C20orf203: variants seen among roughly 807,000 people sequenced by gnomAD.
C20orf203 encodes the protein uncharacterized protein C20orf203.
C20orf203 carries 16 observed loss-of-function variants against 15.9 expected under a neutral mutation model. The ratio of observed to expected loss-of-function variants is 1.01; its 90% CI spans 0.68 to 1.53. C20orf203 has a LOEUF of 1.53. Ranked by LOEUF, C20orf203 falls within the 40% of genes most tolerant of loss-of-function variation. The pLI, the probability that C20orf203 is intolerant of heterozygous loss-of-function variation, is 0.00. For synonymous variants in C20orf203, 98 were observed against 97.2 expected, an observed-to-expected ratio of 1.01 and a Z score of -0.05; for missense variants, 263 against 247.5, an observed-to-expected ratio of 1.06 and a Z score of -0.42.
chr20:32,665,875 G>T (rs779645203), intron 1 of C20orf203, among the ~76,000 whole-genome samples: 4 of 152,122 alleles, frequency 2.6e-5, no homozygotes, highest in African/African-American at 4.8e-5. Context: ...GGCAGAGCTT[G>T]CAGTGAGCCC....
At chr20:32,659,116 A>G (rs543012529) in intron 1 of C20orf203, among the ~76,000 whole-genome samples, 2 of 152,180 alleles carry the variant, frequency 1.3e-5, no homozygotes, top group Non-Finnish European at 2.9e-5. Flanking sequence ...AACTCAAGTG[A>G]TCCACCTGCC....
chr20:32,650,302 G>T lies in C20orf203; in HGVS notation c.*130C>A. 1.5e-6 allele frequency: 1 copy of T among 677,704 alleles called. No individual in the cohort carries two copies. 42.0% of individuals were successfully genotyped at this position (677,704 alleles called of 1,614,324 possible). On this transcript the variant is annotated 3_prime_UTR_variant, in exon 4 of 6. Coordinates refer to ENST00000608990, the MANE Select transcript of C20orf203 (RefSeq NM_182584.4). ...AATCTCCTTGAGGTTTCAGCTGGGC[G>T]TGCCGGGCCCATCCCCCACTCTGGG... is the stretch of plus-strand genomic sequence containing the variant.
rs1232700778 is a variant in C20orf203, at chr20:32,633,925, C to T, written c.*1645G>A. The T allele has an allele frequency of 1.3e-5, 5 of 398,028 alleles. No individual in the cohort carries two copies. Among genetic ancestry groups the T allele is most frequent in the Non-Finnish European group, 2.2e-5 (5 of 226,104 alleles). The allele number at this position is 398,028 out of a possible 1,614,324, so 24.7% of individuals were successfully genotyped here. A position where few individuals can be genotyped will look rare whatever the true frequency, so the allele number is the denominator to read the frequency against. ...CGTCCGCCTGGACTGGATGCTTCTC[C>T]CGGATCCTGATGCCTGAGCTTCAGC... is the stretch of plus-strand genomic sequence containing the variant. On this transcript the variant is annotated 3_prime_UTR_variant, in exon 6 of 6. Coordinates refer to ENST00000608990, the MANE Select transcript of C20orf203 (RefSeq NM_182584.4).
chr20:32,647,019 T>C (rs1982451512), intron 4 of C20orf203, among the ~76,000 whole-genome samples: 1 of 152,204 alleles, frequency 6.6e-6, no homozygotes, highest in Non-Finnish European at 1.5e-5. Flanking sequence ...CACATGACAC[T>C]TGATGTGAGT....
chr20:32,655,436 G>C (rs1982731702), intron 1 of C20orf203, among the ~76,000 whole-genome samples: 1 of 152,002 alleles, frequency 6.6e-6, no homozygotes, highest in Non-Finnish European at 1.5e-5. Context: ...TCTGATAACA[G>C]ATTCTAACCA....
intron 1 of C20orf203, among the ~76,000 whole-genome samples, chr20:32,669,115 T>C (rs1435342609): frequency 1.3e-5 from 2 of 152,122 alleles, no homozygotes; most frequent in East Asian, 1.9e-4. Flanking sequence ...ACAGTACTGG[T>C]TGAAGAACCA....
intron 1 of C20orf203, among the ~76,000 whole-genome samples, chr20:32,671,523 T>G (rs970130638): frequency 6.6e-6 from 1 of 151,534 alleles, no homozygotes; most frequent in African/African-American, 2.4e-5. Flanking sequence ...ACAAAAAAAT[T>G]TTAAGTAGAA....
At chr20:32,656,597 C>T (rs1224223917) in intron 1 of C20orf203, 1 of 152,240 alleles carries the variant, frequency 6.6e-6, no homozygotes, top group African/African-American at 2.4e-5. Context: ...CGCAGTGGCT[C>T]ATGCCTGTAA....
Position 32,658,801 on chromosome 20 carries a change from C to T in C20orf203, c.-263-6820G>A, listed in dbSNP as rs565516371. On this transcript the variant is annotated intron_variant, in intron 1 of 5. Transcript: ENST00000608990. ...GGAGCAGGAGAAGACCAAGGCTCAG[C>T]GTCCTCCGGCCTTGGCGTCCAGGGC... 2.0e-5 allele frequency among the ~76,000 whole-genome samples: 3 copies of T among 151,852 alleles called. 1 individual carries two copies. The highest frequency in any genetic ancestry group is 4.2e-4 in the South Asian group (2 of 4,806).
chr20:32,671,153 C>T (rs1983157370), intron 1 of C20orf203, among the ~76,000 whole-genome samples: 1 of 152,156 alleles, frequency 6.6e-6, no homozygotes, highest in Non-Finnish European at 1.5e-5. Flanking sequence ...ATAGAACTAC[C>T]ATATGATCCA....
At chr20:32,663,105 T>C (rs1212257456) in intron 1 of C20orf203, among the ~76,000 whole-genome samples, 6 of 151,878 alleles carry the variant, frequency 4.0e-5, no homozygotes, top group Non-Finnish European at 5.9e-5. Flanking sequence ...CCCACCACCA[T>C]GCCCGGCTAA....
chr20:32,667,223 C>G (rs1337169479), intron 1 of C20orf203, among the ~76,000 whole-genome samples: 1 of 152,070 alleles, frequency 6.6e-6, no homozygotes, highest in Non-Finnish European at 1.5e-5. Context: ...GGATTTTATT[C>G]CAAGAGCTTC....
intron 1 of C20orf203, among the ~76,000 whole-genome samples, chr20:32,659,926 T>G (rs932167227): frequency 6.6e-6 from 1 of 151,946 alleles, no homozygotes; most frequent in Non-Finnish European, 1.5e-5. Context: ...TATATTAACA[T>G]CATCATCATC....
At chr20:32,665,426 A>C (rs1982994841) in intron 1 of C20orf203, among the ~76,000 whole-genome samples, 1 of 152,224 alleles carries the variant, frequency 6.6e-6, no homozygotes, top group African/African-American at 2.4e-5. Flanking sequence ...CCAGGGAAGA[A>C]AGACATAAAC....
chr20:32,636,047 C>G (rs545451716), intron 5 of C20orf203, among the ~76,000 whole-genome samples: 1 of 152,136 alleles, frequency 6.6e-6, no homozygotes, highest in Admixed American at 6.5e-5. Flanking sequence ...AGCCCCCAGG[C>G]CCCCCTCAGG....
intron 1 of C20orf203, among the ~76,000 whole-genome samples, chr20:32,671,764 A>T (rs1040227485): frequency 6.9e-6 from 1 of 145,152 alleles, no homozygotes; most frequent in Non-Finnish European, 1.5e-5. Context: ...GCTTGAACCC[A>T]GGAGTTGGAG....
chr20:32,662,145 C>T (rs6141777), intron 1 of C20orf203, among the ~76,000 whole-genome samples: 17,576 of 152,256 alleles, frequency 0.12, 1,459 homozygotes, highest in East Asian at 0.29. Context: ...GGGAGCAGCA[C>T]GAGCCAGGGG....
chr20:32,636,314 T>A (rs758786354), intron 5 of C20orf203, among the ~76,000 whole-genome samples: 2 of 152,220 alleles, frequency 1.3e-5, no homozygotes, highest in Non-Finnish European at 2.9e-5. Flanking sequence ...ATTTGCTTTT[T>A]CTCTCTCTCT....
intron 1 of C20orf203, among the ~76,000 whole-genome samples, chr20:32,672,299 A>G (rs927514058): frequency 6.6e-6 from 1 of 152,094 alleles, no homozygotes; most frequent in African/African-American, 2.4e-5. Flanking sequence ...AGATCCCACC[A>G]CTGCACACCA....
Sources: allele counts gnomAD v4.1 joint callset (sites outside exome capture counted in the v4.1 genomes callset), GRCh38; gene constraint gnomAD v4.1.1; transcripts MANE v1.5; gene names NCBI Gene and HGNC (gene_info 2026-07-23, HGNC 2026-07-21).